CLEC16A: variants seen among roughly 807,000 people sequenced by gnomAD.
CLEC16A encodes C-type lectin domain containing 16A, also known as protein CLEC16A.
Under a neutral mutation model 109.5 loss-of-function variants are expected in CLEC16A, and 51 were observed. The observed-to-expected ratio is 0.47, with a 90% CI of 0.37 to 0.59. CLEC16A has a LOEUF of 0.59. Ranked by LOEUF, CLEC16A falls within the 20% of genes least tolerant of loss-of-function variation. CLEC16A has a pLI of 0.00. For missense variants in CLEC16A, 1,339 were observed against 1,394.0 expected (o/e 0.96, Z 0.63); for synonymous variants, 673 against 564.2 (o/e 1.19, Z -2.73).
At chr16:11,055,575 CTTTTTT>C (rs71136609) in intron 18 of CLEC16A, among the ~76,000 whole-genome samples, 332 of 41,600 alleles carry the variant, frequency 8.0e-3, no homozygotes, top group Non-Finnish European at 0.012. Context: ...TTCCCTCTTG[CTTTTTT>C]TTTTTTTTTT....
chr16:11,164,492 A>G (rs1235785630), intron 22 of CLEC16A, among the ~76,000 whole-genome samples: 1 of 152,190 alleles, frequency 6.6e-6, no homozygotes, highest in African/African-American at 2.4e-5. Context: ...AGGCTGAGGG[A>G]CATCAGGGAC....
intron 22 of CLEC16A, among the ~76,000 whole-genome samples, chr16:11,159,820 A>G (rs1009737114): frequency 1.3e-5 from 2 of 151,954 alleles, no homozygotes; most frequent in African/African-American, 2.4e-5. Context: ...TTCACCTTTT[A>G]TTGTCGGGTT....
intron 19 of CLEC16A, among the ~76,000 whole-genome samples, chr16:11,084,729 A>G (rs116179325): frequency 2.0e-5 from 3 of 152,334 alleles, no homozygotes; most frequent in African/African-American, 7.2e-5. Context: ...GGAAAGGTCA[A>G]TCGACATGTC....
rs867784367 is a variant in CLEC16A, at chr16:11,174,397, G to A, written c.2807-3938G>A. The A allele has an allele frequency of 2.2e-4, 79 of 356,076 alleles. No homozygotes were observed. The highest frequency in any genetic ancestry group is 1.4e-3 in the African/African-American group (64 of 47,038). The allele number at this position is 356,076 out of a possible 1,614,324, so 22.1% of individuals were successfully genotyped here. ...GCTGGGCCTGAGCACAGAGCCATTT[G>A]CCAAGGCGGCACTTCCCCATTTTCC... On this transcript the variant is annotated intron_variant, in intron 23 of 23. Coordinates refer to ENST00000409790, the MANE Select transcript of CLEC16A (RefSeq NM_015226.3). This position sits in a 1 kb window ranked among gnomAD's most constrained non-coding sequence, Gnocchi z 4.7.
intron 14 of CLEC16A, chr16:11,041,687 C>G (rs1254906400): frequency 1.3e-5 from 2 of 152,712 alleles, no homozygotes; most frequent in African/African-American, 4.8e-5. Context: ...GCTTGTGCCC[C>G]TCAGGGCGTC....
chr16:11,000,638 G>A (rs1169452357), intron 10 of CLEC16A, among the ~76,000 whole-genome samples: 1 of 152,154 alleles, frequency 6.6e-6, no homozygotes, highest in Non-Finnish European at 1.5e-5. Flanking sequence ...CCCATCTGGG[G>A]GCCCTCGGTT....
chr16:11,080,817 T>C (rs1217745425), intron 19 of CLEC16A, among the ~76,000 whole-genome samples: 3 of 152,360 alleles, frequency 2.0e-5, no homozygotes, highest in East Asian at 3.9e-4. Context: ...CTTTCACTTT[T>C]AGAACCCCTT....
chr16:11,162,129 A>G (rs1007191897), intron 22 of CLEC16A, among the ~76,000 whole-genome samples: 2 of 152,250 alleles, frequency 1.3e-5, no homozygotes, highest in African/African-American at 4.8e-5. Context: ...CACAAATGCC[A>G]GAGCGTTATT....
chr16:11,162,828 C>T (rs1224731697), intron 22 of CLEC16A, among the ~76,000 whole-genome samples: 1 of 152,178 alleles, frequency 6.6e-6, no homozygotes, highest in Admixed American at 6.5e-5. Flanking sequence ...TGCTGAATAT[C>T]CTTGTAGTTC....
At chr16:11,108,729 C>G (rs1477643861) in intron 19 of CLEC16A, among the ~76,000 whole-genome samples, 1 of 152,178 alleles carries the variant, frequency 6.6e-6, no homozygotes, top group Admixed American at 6.6e-5. Context: ...CTCATAGGAT[C>G]TGGGACCATG....
intron 11 of CLEC16A, among the ~76,000 whole-genome samples, chr16:11,010,996 G>C (rs543878786): frequency 2.0e-5 from 3 of 152,208 alleles, no homozygotes; most frequent in African/African-American, 4.8e-5. Context: ...ACTTCTCAGG[G>C]TGTCACATCT....
In CLEC16A at chr16:11,118,912, G is replaced by T. The variant is rs114776083; in HGVS notation, c.2117-1703G>T. Among the ~76,000 whole-genome samples, 1,079 of 152,294 alleles carry T rather than the reference G, an allele frequency of 7.1e-3. 13 individuals carry two copies. Among genetic ancestry groups the T allele is most frequent in the African/African-American group, 0.024 (1,009 of 41,558 alleles). On this transcript the variant is annotated intron_variant, in intron 19 of 23. Transcript: ENST00000409790. Reference sequence around the variant, plus strand: ...AGATGGTGTTCTTTCCCCAGCGTATGTTCTTATCAGTTTCATTGAAGATCA... The same window carrying T: ...AGATGGTGTTCTTTCCCCAGCGTATTTTCTTATCAGTTTCATTGAAGATCA...
chr16:10,949,704 A>G (rs1324435267), intron 1 of CLEC16A, among the ~76,000 whole-genome samples: 1 of 152,208 alleles, frequency 6.6e-6, no homozygotes, highest in Non-Finnish European at 1.5e-5. Flanking sequence ...TTTTAACTAC[A>G]GAAAGGCTGT....
rs971839333 is a variant in CLEC16A at position 11,125,299 on chromosome 16, GT to G, written c.2474-668del. On this transcript the variant is annotated intron_variant, in intron 21 of 23. Transcript: ENST00000409790. ...TTCTTTTAAGATTTATTTTCAGAGA[GT>G]TTTTTTTTTTTCTTCATGTAAAGCA... 4.1e-3 allele frequency among the ~76,000 whole-genome samples: 601 copies of G among 147,274 alleles called. 3 individuals carry two copies. Among genetic ancestry groups the G allele is most frequent in the Middle Eastern group, 3.5e-3 (1 of 284 alleles).
intron 10 of CLEC16A, among the ~76,000 whole-genome samples, chr16:10,996,501 A>G (rs16957894): frequency 0.14 from 20,773 of 151,938 alleles, 1,411 homozygotes; most frequent in African/African-American, 0.15. Context: ...TGGCTTTCCT[A>G]CTATTCTTTC....
chr16:10,977,237 G>A lies in CLEC16A; in HGVS notation c.741G>A (p.Arg247=), dbSNP rs115889246. The change falls in exon 8 of 24, where the codon CGG becomes CGA. Residue 247 remains arginine, a synonymous_variant. Coordinates refer to ENST00000409790, the MANE Select transcript of CLEC16A (RefSeq NM_015226.3). ...CVQTDEEHRN[R]GKLSDLVAEH... ...TTTCTCCTGGCAGGCATCGGAATCG[G>A]GGTAAACTGAGTGATCTGGTGGCAG... The A allele has an allele frequency of 1.5e-3, 2,368 of 1,613,822 alleles. 28 individuals are homozygous for A. The African/African-American group carries it at 0.029, about 19-fold the overall frequency.
At chr16:11,156,981 G>A (rs2054556493) in intron 22 of CLEC16A, 2 of 909,742 alleles carry the variant, frequency 2.2e-6, no homozygotes, top group Admixed American at 3.5e-5. Flanking sequence ...GCCCTCACAG[G>A]CAGACCTTCA....
intron 3 of CLEC16A, among the ~76,000 whole-genome samples, chr16:10,964,436 C>T (rs879298697): frequency 4.6e-5 from 7 of 152,218 alleles, no homozygotes; most frequent in Non-Finnish European, 7.3e-5. Context: ...GCTCCCTGCA[C>T]GTGCCTGGAC....
intron 13 of CLEC16A, among the ~76,000 whole-genome samples, chr16:11,035,231 A>G (rs1350353067): frequency 6.6e-6 from 1 of 152,136 alleles, no homozygotes; most frequent in Non-Finnish European, 1.5e-5. Context: ...ATTTCTTTCT[A>G]GCATGTTTTC....
Sources: gnomAD v4.1 joint callset for allele counts (sites outside exome capture counted in the v4.1 genomes callset) on GRCh38, gnomAD v4.1.1 for gene constraint, Gnocchi (gnomAD v3.1) non-coding constraint, MANE v1.5 for transcripts, NCBI Gene and HGNC (gene_info 2026-07-23, HGNC 2026-07-21) for gene names.